SBF2: variants seen among roughly 807,000 people sequenced by gnomAD.
SBF2 encodes myotubularin-related protein 13.
SBF2 carries 112 observed loss-of-function variants against 225.2 expected under a neutral mutation model. That is an observed-to-expected ratio of 0.50 (90% confidence interval 0.43 to 0.58). The LOEUF (loss-of-function observed/expected upper bound fraction) is 0.58, where lower values mean the gene tolerates loss of function less well. SBF2 is among the 20% of genes least tolerant of loss of function. SBF2 has a pLI of 0.00. For missense variants in SBF2, 1,996 were observed against 2,206.2 expected (o/e 0.90, Z 1.91); for synonymous variants, 763 against 773.3 (o/e 0.99, Z 0.22).
chr11:10,045,999 A>T (rs1590829295), intron 2 of SBF2, among the ~76,000 whole-genome samples: 1 of 152,328 alleles, frequency 6.6e-6, no homozygotes, highest in East Asian at 1.9e-4. Context: ...AACTATAAAA[A>T]TAGCATATAT....
chr11:9,987,407 G>A (rs907625806), intron 13 of SBF2, among the ~76,000 whole-genome samples: 1 of 152,122 alleles, frequency 6.6e-6, no homozygotes, highest in South Asian at 2.1e-4. Context: ...AGTACTGGAA[G>A]TCCTAGCCAG....
At chr11:10,207,300 G>A (rs1867135) in intron 1 of SBF2, among the ~76,000 whole-genome samples, 118,554 of 151,938 alleles carry the variant, frequency 0.78, 46,930 homozygotes, top group East Asian at 0.97. Context: ...AAAAAACAAA[G>A]CAAAAAAAAC....
rs760170904 is a variant in SBF2, at chr11:9,832,215, G to A, written c.3652+9C>T. The A allele has an allele frequency of 1.2e-6, 2 of 1,609,340 alleles. No individual in the cohort carries two copies. Among genetic ancestry groups the A allele is most frequent in the South Asian group, 1.1e-5 (1 of 90,946 alleles). On this transcript the variant is annotated intron_variant, in intron 27 of 39. Coordinates refer to ENST00000256190, the MANE Select transcript of SBF2 (RefSeq NM_030962.4). ...ACGGGTGGTAATTGTGTTATAGAGA[G>A]ATGCTTACCGGCCTGAGGGGAGTTC...
At chr11:9,835,042 C>T (rs1201343079) in intron 26 of SBF2, among the ~76,000 whole-genome samples, 1 of 152,150 alleles carries the variant, frequency 6.6e-6, no homozygotes, top group African/African-American at 2.4e-5. Flanking sequence ...AGAGAAGCTA[C>T]TCCCAGTACC....
rs984937169 is a variant in SBF2, at chr11:9,913,262, G to A, written c.1861-17251C>T. 2.0e-5 allele frequency among the ~76,000 whole-genome samples: 3 copies of A among 152,164 alleles called. No individual in the cohort carries two copies. The East Asian group carries it at 5.8e-4, about 29-fold the overall frequency. The stretch of plus-strand genomic sequence containing the variant: ...TGCACTCCAGCCTGGGCGACAGGGC[G>A]AGACTCTGTCTCAAACAAACAAACA... On this transcript the variant is annotated intron_variant, in intron 16 of 39. Coordinates refer to ENST00000256190, the MANE Select transcript of SBF2 (RefSeq NM_030962.4).
intron 2 of SBF2, among the ~76,000 whole-genome samples, chr11:10,150,485 G>T (rs1177601234): frequency 1.3e-5 from 2 of 151,448 alleles, no homozygotes; most frequent in Non-Finnish European, 3.0e-5. Flanking sequence ...TGGAAGAGGG[G>T]GTACTTAAAT....
chr11:10,286,409 TCTCGGCTCACTGC>T (rs1565437318), intron 1 of SBF2, among the ~76,000 whole-genome samples: 5 of 149,264 alleles, frequency 3.3e-5, no homozygotes. Context: ...AGTTGTGCGA[TCTCGGCTCACTGC>T]GATCTCGGCT....
chr11:10,206,447 A>G (rs1442716720), intron 1 of SBF2, among the ~76,000 whole-genome samples: 2 of 152,060 alleles, frequency 1.3e-5, no homozygotes, highest in African/African-American at 4.8e-5. Flanking sequence ...TGTCCAGGAT[A>G]TAGTAAAAAA....
intron 12 of SBF2, among the ~76,000 whole-genome samples, chr11:9,990,068 A>T (rs887420043): frequency 6.6e-6 from 1 of 152,122 alleles, no homozygotes; most frequent in Non-Finnish European, 1.5e-5. Flanking sequence ...GAACAAGATG[A>T]CCCTTAGACT....
chr11:9,833,357 T>C (rs189562147), intron 26 of SBF2, among the ~76,000 whole-genome samples: 2 of 152,198 alleles, frequency 1.3e-5, no homozygotes, highest in Admixed American at 6.5e-5. Context: ...ATTAGAAATA[T>C]TACACAAAAC....
intron 2 of SBF2, among the ~76,000 whole-genome samples, chr11:10,055,571 ACC>A (rs1491155127): frequency 2.3e-5 from 3 of 133,228 alleles, no homozygotes; most frequent in Non-Finnish European, 4.9e-5. Flanking sequence ...ACACACACAC[ACC>A]ATGGAATACT....
intron 2 of SBF2, among the ~76,000 whole-genome samples, chr11:10,081,975 T>C: frequency 6.6e-6 from 1 of 151,676 alleles, no homozygotes; most frequent in East Asian, 1.9e-4. Flanking sequence ...ATAAACAAAA[T>C]TGATAGAACA....
intron 1 of SBF2, among the ~76,000 whole-genome samples, chr11:10,283,786 T>C (rs1452937839): frequency 6.6e-6 from 1 of 152,210 alleles, no homozygotes; most frequent in Admixed American, 6.5e-5. Flanking sequence ...TCTGCCATAG[T>C]TCACAGGCAA....
At chr11:10,251,071 C>G (rs1471027775) in intron 1 of SBF2, among the ~76,000 whole-genome samples, 6 of 152,168 alleles carry the variant, frequency 3.9e-5, no homozygotes, top group Admixed American at 3.9e-4. Context: ...ATTACGTGCA[C>G]TTATAGGGTA....
intron 14 of SBF2, 107 bp downstream of exon 14, chr11:9,968,234 A>C (rs1867093708): frequency 2.1e-6 from 2 of 948,658 alleles, no homozygotes; most frequent in Admixed American, 1.8e-5. Context: ...TTCTAGCTAC[A>C]GGAGTTTGTT....
At chr11:10,007,416 G>T (rs1358171830) in intron 6 of SBF2, among the ~76,000 whole-genome samples, 1 of 152,140 alleles carries the variant, frequency 6.6e-6, no homozygotes, top group Non-Finnish European at 1.5e-5. Context: ...AACACAGACT[G>T]AATTGAATAC....
At chr11:10,188,861 T>C (rs533347818) in intron 2 of SBF2, among the ~76,000 whole-genome samples, 7 of 152,364 alleles carry the variant, frequency 4.6e-5, no homozygotes, top group African/African-American at 9.6e-5. Flanking sequence ...ACTTGCTTTG[T>C]TGTGAACATA....
At chr11:9,996,993 T>C (rs950631232) in intron 9 of SBF2, among the ~76,000 whole-genome samples, 1 of 152,184 alleles carries the variant, frequency 6.6e-6, no homozygotes, top group African/African-American at 2.4e-5. Context: ...CACACTAGTG[T>C]CTTTTGCACT....
At chr11:10,042,521 AG>A (rs1346159935) in intron 3 of SBF2, among the ~76,000 whole-genome samples, 4 of 152,226 alleles carry the variant, frequency 2.6e-5, no homozygotes, top group African/African-American at 9.6e-5. Flanking sequence ...ATTCTATGAA[AG>A]ACCTCCCAGG....
Sources: allele counts gnomAD v4.1 joint callset (sites outside exome capture counted in the v4.1 genomes callset), GRCh38; gene constraint gnomAD v4.1.1; transcripts MANE v1.5; gene names NCBI Gene and HGNC (gene_info 2026-07-23, HGNC 2026-07-21).